The following MDGA2 variants were observed in gnomAD, a reference collection of about 807,000 sequenced individuals.
MDGA2 encodes the protein MAM domain-containing glycosylphosphatidylinositol anchor protein 2.
In MDGA2, 40 loss-of-function variants were observed where a neutral mutation model predicts 117.8. That is an observed-to-expected ratio of 0.34 (90% CI 0.26 to 0.44). The LOEUF (loss-of-function observed/expected upper bound fraction) is 0.44, where lower values mean the gene tolerates loss of function less well. MDGA2 is among the 20% of genes least tolerant of loss of function. MDGA2 has a pLI of 1.00. For missense variants in MDGA2, 1,123 were observed against 1,250.6 expected (o/e 0.90, Z 1.54); for synonymous variants, 452 against 439.0 (o/e 1.03, Z -0.37).
intron 6 of MDGA2, among the ~76,000 whole-genome samples, chr14:47,095,293 A>C (rs993009889): frequency 2.0e-5 from 3 of 152,008 alleles, no homozygotes; most frequent in Non-Finnish European, 4.4e-5. Flanking sequence ...TTAAAATAAA[A>C]TCTCAGAGGC....
chr14:47,038,694 T>C (rs1888949689), intron 7 of MDGA2, among the ~76,000 whole-genome samples: 1 of 151,940 alleles, frequency 6.6e-6, no homozygotes, highest in South Asian at 2.1e-4. Flanking sequence ...TTCCAGTACT[T>C]TGGGCGGCCG....
chr14:47,376,953 T>C (rs1891492620), intron 1 of MDGA2, among the ~76,000 whole-genome samples: 2 of 152,138 alleles, frequency 1.3e-5, no homozygotes, highest in African/African-American at 4.8e-5. Flanking sequence ...ATAAGAGTGC[T>C]GGTGGACTAT....
At chr14:47,503,678 A>G (rs991773159) in intron 1 of MDGA2, among the ~76,000 whole-genome samples, 3 of 152,246 alleles carry the variant, frequency 2.0e-5, no homozygotes, top group Non-Finnish European at 1.5e-5. Flanking sequence ...GGCTGAGATT[A>G]CAGGCGTGAG....
At chr14:47,042,077 G>A (rs968273840) in intron 7 of MDGA2, among the ~76,000 whole-genome samples, 1 of 151,908 alleles carries the variant, frequency 6.6e-6, no homozygotes, top group African/African-American at 2.4e-5. Flanking sequence ...AATTACACCT[G>A]AATTTTGGAG....
chr14:47,019,838 CAAA>C (rs565526563), intron 8 of MDGA2, among the ~76,000 whole-genome samples: 4 of 63,180 alleles, frequency 6.3e-5, no homozygotes, highest in African/African-American at 6.2e-5. Context: ...GAGTCCGTCT[CAAA>C]AAAAAAAAAA....
intron 1 of MDGA2, among the ~76,000 whole-genome samples, chr14:47,524,567 G>A (rs1014640924): frequency 1.1e-4 from 16 of 152,140 alleles, no homozygotes; most frequent in Non-Finnish European, 1.5e-4. Context: ...CAAACAGCAC[G>A]TAATCTCCTC....
intron 3 of MDGA2, among the ~76,000 whole-genome samples, chr14:47,213,438 T>C (rs1885958852): frequency 6.6e-6 from 1 of 152,198 alleles, no homozygotes. Context: ...TATTTCATTG[T>C]GTTAAGGATC....
At position 47,674,810 on chromosome 14, in the gene MDGA2, C is replaced by T. The variant is rs1419404309; in HGVS notation, c.-14G>A. 1.5e-6 allele frequency: 1 copy of T among 646,062 alleles called. No homozygotes were observed. The highest frequency in any genetic ancestry group is 2.6e-5 in the Admixed American group (1 of 37,980). The allele number at this position is 646,062 out of a possible 1,614,324, so 40.0% of individuals were successfully genotyped here. A position where few individuals can be genotyped will look rare whatever the true frequency, so the allele number is the denominator to read the frequency against. ...CCACACACTCATGCACACACACACT[C>T]ACACACACTCACACACTCTCCCACA... On this transcript the variant is annotated 5_prime_UTR_variant, in exon 1 of 17. Coordinates refer to ENST00000399232, the MANE Select transcript of MDGA2 (RefSeq NM_001113498.3).
chr14:47,592,902 TA>T (rs1896467793), intron 1 of MDGA2, among the ~76,000 whole-genome samples: 1 of 152,148 alleles, frequency 6.6e-6, no homozygotes, highest in Non-Finnish European at 1.5e-5. Flanking sequence ...CTAATTAAAC[TA>T]AAGAACTTCT....
chr14:46,871,548 A>G (rs1881998323), intron 14 of MDGA2: 1 of 152,094 alleles, frequency 6.6e-6, no homozygotes. Context: ...AAAGTATCCT[A>G]GCCCATGATG....
intron 1 of MDGA2, among the ~76,000 whole-genome samples, chr14:47,387,815 G>A (rs1222272976): frequency 6.6e-6 from 1 of 152,080 alleles, no homozygotes; most frequent in Non-Finnish European, 1.5e-5. Flanking sequence ...CCATCTCTCT[G>A]GACTGAGGAT....
Position 47,218,099 on chromosome 14 carries a change from G to C in MDGA2, c.517C>G (p.Gln173Glu). The change falls in exon 3 of 17, where the codon CAA (glutamine) becomes GAA (glutamate). Residue 173 changes from glutamine to glutamate, a missense_variant. By Grantham distance (29) the Gln-to-Glu change is conservative. This residue lies in a region of MDGA2 where 890 missense variants were observed against 1,050.3 expected (regional missense o/e 0.85). Transcript: ENST00000399232. ...TLRITNIQRH[Q>E]GGRYYCKAEN... ...GCTTTACAGTAATACCGGCCTCCTT[G>C]GTGTCGCTGAATATTTGTAATCCTC... The C allele has an allele frequency of 6.4e-7, 1 of 1,551,230 alleles. No homozygotes were observed. The highest frequency in any genetic ancestry group is 8.7e-7 in the Non-Finnish European group (1 of 1,146,686).
At chr14:47,627,610 T>G (rs1340455819) in intron 1 of MDGA2, among the ~76,000 whole-genome samples, 2 of 152,128 alleles carry the variant, frequency 1.3e-5, no homozygotes, top group African/African-American at 4.8e-5. Context: ...AACGGACCAA[T>G]CAGCTCTTTG....
intron 1 of MDGA2, among the ~76,000 whole-genome samples, chr14:47,651,776 A>G (rs1897650211): frequency 6.6e-6 from 1 of 152,170 alleles, no homozygotes; most frequent in Non-Finnish European, 1.5e-5. Context: ...ACTGCTCCCC[A>G]AATAAAGGTG....
Position 47,545,807 on chromosome 14 carries a change from T to C in MDGA2, c.280+128710A>G, listed in dbSNP as rs1391490858. Among the ~76,000 whole-genome samples the C allele has an allele frequency of 2.6e-5, 4 of 151,998 alleles. No individual in the cohort carries two copies. In the South Asian group the frequency reaches 6.2e-4, roughly 24 times the overall value. The stretch of plus-strand genomic sequence containing the variant: ...GGGCTACAAAAAGAAATCAAGGAGA[T>C]AGTGTGGGGGCGTGAAAGCAATGCC... On this transcript the variant is annotated intron_variant, in intron 1 of 16. Transcript: ENST00000399232.
At chr14:47,036,559 C>T (rs1300160599) in intron 7 of MDGA2, among the ~76,000 whole-genome samples, 2 of 152,170 alleles carry the variant, frequency 1.3e-5, no homozygotes, top group Admixed American at 6.5e-5. Context: ...ATCAAAAAAG[C>T]ACAAGCTAAA....
intron 1 of MDGA2, among the ~76,000 whole-genome samples, chr14:47,481,993 C>T (rs756270748): frequency 1.2e-4 from 18 of 151,818 alleles, no homozygotes; most frequent in South Asian, 4.1e-4. Flanking sequence ...ACACAGGCAC[C>T]GTGATATAGA....
At chr14:47,391,763 AAC>A (rs1891900194) in intron 1 of MDGA2, among the ~76,000 whole-genome samples, 1 of 152,198 alleles carries the variant, frequency 6.6e-6, no homozygotes, top group Admixed American at 6.6e-5. Context: ...AAATACTAGA[AAC>A]ACACAGCTAC....
chr14:47,211,187 G>T (rs1486806232), intron 3 of MDGA2, among the ~76,000 whole-genome samples: 1 of 151,926 alleles, frequency 6.6e-6, no homozygotes. Context: ...AACTCTGTGG[G>T]ATTATTCTCC....
Sources: allele counts gnomAD v4.1 joint callset (sites outside exome capture counted in the v4.1 genomes callset), GRCh38; gene constraint gnomAD v4.1.1; regional missense constraint gnomAD v4.1.1; transcripts MANE v1.5; gene names NCBI Gene and HGNC (gene_info 2026-07-23, HGNC 2026-07-21).